The following TWSG1 variants were observed in gnomAD, a reference collection of about 807,000 sequenced individuals.
The protein encoded by TWSG1 is twisted gastrulation protein homolog 1.
In TWSG1, 15 loss-of-function variants were observed where a neutral mutation model predicts 23.0. That is an observed-to-expected ratio of 0.65 (90% confidence interval 0.44 to 1.00). TWSG1 has a LOEUF of 1.00. Ranked by LOEUF, TWSG1 falls within the 50% of genes least tolerant of loss-of-function variation. The probability of loss-of-function intolerance (pLI) is 0.00; values close to 1 mark genes in which losing one functional copy is unlikely to be tolerated. For missense variants in TWSG1, 242 were observed against 278.7 expected, an observed-to-expected ratio of 0.87 and a Z score of 0.94; for synonymous variants, 86 against 92.8, an observed-to-expected ratio of 0.93 and a Z score of 0.42.
intron 2 of TWSG1, among the ~76,000 whole-genome samples, chr18:9,344,746 TG>T (rs368013158): frequency 2.6e-5 from 4 of 151,644 alleles, no homozygotes; most frequent in African/African-American, 9.7e-5. Context: ...TGCTCTTTTT[TG>T]TGTGTGTGTG....
At position 9,368,947 on chromosome 18, in the gene TWSG1, C is replaced by CAAAAAA. The variant is rs879284293; in HGVS notation, c.223+8883_223+8888dup. ...TGGGCAACAGAGCGAGACTCTGTCT[C>CAAAAAA]AAAAAAAAAAAATTAGCTGAGTGTG... On this transcript the variant is annotated intron_variant, in intron 3 of 4. Coordinates refer to ENST00000262120, the MANE Select transcript of TWSG1 (RefSeq NM_020648.6). Among the ~76,000 whole-genome samples, 237 of 127,842 alleles carry CAAAAAA rather than the reference C, an allele frequency of 1.9e-3. 2 individuals are homozygous for CAAAAAA. The highest frequency in any genetic ancestry group is 6.6e-3 in the African/African-American group (226 of 34,462). The allele number at this position is 127,842 out of a possible 152,430, so 83.9% of individuals were successfully genotyped here.
chr18:9,390,355 G>T (rs1044632165), intron 3 of TWSG1, among the ~76,000 whole-genome samples: 4 of 152,110 alleles, frequency 2.6e-5, no homozygotes, highest in Non-Finnish European at 4.4e-5. Context: ...TAGAGACGGG[G>T]TTTCACCACG....
rs1268107341 is a variant in TWSG1 at position 9,334,940 on chromosome 18, G to A, written c.-38+20G>A. Reference sequence around the variant, plus strand: ...CGCATGGTGAGTGGGAGCGGCTGGGGGGTTGTGCAGCCTCTTGGCCTCTTG... The same window carrying A: ...CGCATGGTGAGTGGGAGCGGCTGGGAGGTTGTGCAGCCTCTTGGCCTCTTG... On this transcript the variant is annotated intron_variant, in intron 1 of 4. Coordinates refer to ENST00000262120, the MANE Select transcript of TWSG1 (RefSeq NM_020648.6). This position sits in a 1 kb window ranked among gnomAD's most constrained non-coding sequence, Gnocchi z 4.7. The A allele has an allele frequency of 6.6e-6, 1 of 152,366 alleles. No homozygotes were observed. Among genetic ancestry groups the A allele is most frequent in the African/African-American group, 2.4e-5 (1 of 41,434 alleles). The allele number at this position is 152,366 out of a possible 1,614,324, so 9.4% of individuals were successfully genotyped here. A position where few individuals can be genotyped will look rare whatever the true frequency, so the allele number is the denominator to read the frequency against.
chr18:9,372,142 C>CTATG (rs1291487060), intron 3 of TWSG1, among the ~76,000 whole-genome samples: 1 of 129,834 alleles, frequency 7.7e-6, no homozygotes, highest in Non-Finnish European at 1.7e-5. Context: ...ATTATGTGTG[C>CTATG]TATGTATGTA....
chr18:9,356,971 T>TAAAAAA (rs34315660), intron 2 of TWSG1, among the ~76,000 whole-genome samples: 2 of 122,338 alleles, frequency 1.6e-5, no homozygotes, highest in African/African-American at 6.1e-5. Context: ...TTTATAAATC[T>TAAAAAA]AAAAAAAAAA....
At chr18:9,391,779 G>T (rs150760873) in intron 3 of TWSG1, among the ~76,000 whole-genome samples, 1 of 152,278 alleles carries the variant, frequency 6.6e-6, no homozygotes, top group East Asian at 1.9e-4. Context: ...AAGTTGAAAT[G>T]ACTCTCTCAA....
At chr18:9,374,082 A>G (rs1036392578) in intron 3 of TWSG1, among the ~76,000 whole-genome samples, 10 of 152,210 alleles carry the variant, frequency 6.6e-5, no homozygotes, top group African/African-American at 2.4e-4. Context: ...TGGAATATAT[A>G]TATTCAAAAA....
intron 4 of TWSG1, among the ~76,000 whole-genome samples, chr18:9,398,443 T>C (rs2040747768): frequency 6.6e-6 from 1 of 150,416 alleles, no homozygotes; most frequent in Admixed American, 6.6e-5. Context: ...CATTTGCAGG[T>C]TTTTGTTTGT....
At chr18:9,386,503 T>C (rs1471011891) in intron 3 of TWSG1, among the ~76,000 whole-genome samples, 1 of 146,606 alleles carries the variant, frequency 6.8e-6, no homozygotes, top group Non-Finnish European at 1.5e-5. Context: ...TCTGAAAATA[T>C]TATTGGAGTG....
intron 2 of TWSG1, among the ~76,000 whole-genome samples, chr18:9,349,555 CATT>C (rs931780281): frequency 1.2e-4 from 19 of 152,136 alleles, no homozygotes; most frequent in African/African-American, 4.6e-4. Context: ...GTTTACTTCT[CATT>C]AATAATTCTA....
chr18:9,364,662 TAG>T (rs2040569166), intron 3 of TWSG1, among the ~76,000 whole-genome samples: 1 of 151,880 alleles, frequency 6.6e-6, no homozygotes, highest in African/African-American at 2.4e-5. Flanking sequence ...GGTGTGGTGG[TAG>T]GCACCTGTAA....
intron 3 of TWSG1, among the ~76,000 whole-genome samples, chr18:9,389,272 G>A (rs761342075): frequency 3.3e-5 from 5 of 151,980 alleles, no homozygotes; most frequent in South Asian, 2.1e-4. Context: ...CACTGCACCC[G>A]GCCACTAATT....
intron 3 of TWSG1, among the ~76,000 whole-genome samples, chr18:9,392,148 A>G (rs1202876676): frequency 1.3e-5 from 2 of 152,214 alleles, no homozygotes; most frequent in Non-Finnish European, 2.9e-5. Context: ...TGTTCTTTGA[A>G]GCTTTTGAAA....
Position 9,367,459 on chromosome 18 carries a change from C to T in TWSG1, c.223+7388C>T, listed in dbSNP as rs150107824. On this transcript the variant is annotated intron_variant, in intron 3 of 4. Coordinates refer to ENST00000262120, the MANE Select transcript of TWSG1 (RefSeq NM_020648.6). ...GCGGTATTTGCCTTTCTGTGACTGGCTTATTTTACTTAACATGATGTCCTC... is the reference window on the plus strand; with the variant it reads ...GCGGTATTTGCCTTTCTGTGACTGGTTTATTTTACTTAACATGATGTCCTC... 3.9e-5 allele frequency among the ~76,000 whole-genome samples: 6 copies of T among 152,266 alleles called. No homozygotes were observed. The East Asian group carries it at 1.2e-3, about 29-fold the overall frequency.
intron 2 of TWSG1, among the ~76,000 whole-genome samples, chr18:9,343,500 T>G (rs992617884): frequency 1.3e-5 from 2 of 152,054 alleles, no homozygotes; most frequent in African/African-American, 4.8e-5. Context: ...TCGACAGACT[T>G]GTGCAACCAT....
chr18:9,369,663 T>A (rs1304406656), intron 3 of TWSG1, among the ~76,000 whole-genome samples: 1 of 152,116 alleles, frequency 6.6e-6, no homozygotes, highest in African/African-American at 2.4e-5. Flanking sequence ...CTTCCGTTGC[T>A]CAGGCTGGAG....
intron 2 of TWSG1, among the ~76,000 whole-genome samples, chr18:9,343,841 A>G (rs1187408789): frequency 6.6e-6 from 1 of 152,194 alleles, no homozygotes; most frequent in Non-Finnish European, 1.5e-5. Flanking sequence ...ATTTTTGGCT[A>G]TGGTAGATAA....
chr18:9,363,974 C>T (rs771050781), intron 3 of TWSG1, among the ~76,000 whole-genome samples: 2 of 152,308 alleles, frequency 1.3e-5, no homozygotes, highest in Middle Eastern at 6.8e-3. Flanking sequence ...TCAGATCATA[C>T]TTAGATTTCA....
At chr18:9,383,579 T>TG (rs2040669223) in intron 3 of TWSG1, among the ~76,000 whole-genome samples, 1 of 152,176 alleles carries the variant, frequency 6.6e-6, no homozygotes, top group Non-Finnish European at 1.5e-5. Flanking sequence ...AGGAGACTGT[T>TG]GCAGTAGTTC....
Sources: gnomAD v4.1 joint callset for allele counts (sites outside exome capture counted in the v4.1 genomes callset) on GRCh38, gnomAD v4.1.1 for gene constraint, Gnocchi (gnomAD v3.1) non-coding constraint, MANE v1.5 for transcripts, NCBI Gene and HGNC (gene_info 2026-07-23, HGNC 2026-07-21) for gene names.